C1GALT1: variants seen among roughly 807,000 people sequenced by gnomAD.
C1GALT1 encodes the protein core 1 synthase, glycoprotein-N-acetylgalactosamine 3-beta-galactosyltransferase 1.
A neutral mutation model predicts 31.0 loss-of-function variants in C1GALT1; 11 were observed. The observed-to-expected ratio is 0.36, with a 90% CI of 0.22 to 0.59. C1GALT1 has a LOEUF of 0.59. Ranked by LOEUF, C1GALT1 falls within the 20% of genes least tolerant of loss-of-function variation. C1GALT1 has a pLI of 0.79. For synonymous variants in C1GALT1, 175 were observed against 143.6 expected, an observed-to-expected ratio of 1.22 and a Z score of -1.56; for missense variants, 424 against 425.2, an observed-to-expected ratio of 1.00 and a Z score of 0.03.
At chr7:7,240,056 A>G (rs1302201326) in intron 3 of C1GALT1, among the ~76,000 whole-genome samples, 1 of 152,206 alleles carries the variant, frequency 6.6e-6, no homozygotes, top group Non-Finnish European at 1.5e-5. Context: ...ACGTATAAAT[A>G]ATACACTTCA....
At chr7:7,198,136 G>GT (rs1781378000) in intron 1 of C1GALT1, among the ~76,000 whole-genome samples, 1 of 152,182 alleles carries the variant, frequency 6.6e-6, no homozygotes, top group Non-Finnish European at 1.5e-5. Flanking sequence ...AATGCTTCCA[G>GT]TTTTTGCCCA....
chr7:7,229,247 A>C (rs111812546), intron 1 of C1GALT1, among the ~76,000 whole-genome samples: 2 of 152,274 alleles, frequency 1.3e-5, no homozygotes, highest in African/African-American at 4.8e-5. Flanking sequence ...TATGGTATTA[A>C]GGCAAAATCA....
chr7:7,210,348 T>G (rs903367581), intron 1 of C1GALT1: 1 of 152,296 alleles, frequency 6.6e-6, no homozygotes, highest in Non-Finnish European at 1.5e-5. Context: ...TTTATGGCTT[T>G]GTATTATAGA....
At chr7:7,164,739 G>C (rs895106442) in intron 2 of C1GALT1, among the ~76,000 whole-genome samples, 6 of 152,102 alleles carry the variant, frequency 3.9e-5, no homozygotes, top group Non-Finnish European at 1.5e-5. Context: ...TCAGTCATTG[G>C]ATGTGGGTGC....
rs181295236 is a variant in C1GALT1, at chr7:7,244,462, A to G, written c.*735A>G. On this transcript the variant is annotated 3_prime_UTR_variant, in exon 4 of 4. Transcript: ENST00000436587. ...CCACTCTTGAATACCATTCTCCACT[A>G]TTAACATTAATTTACTCAAACCGTT... The G allele has an allele frequency of 2.0e-5, 3 of 152,220 alleles. No individual in the cohort carries two copies. Among genetic ancestry groups the G allele is most frequent in the East Asian group, 3.9e-4 (2 of 5,184 alleles). 9.4% of individuals were successfully genotyped at this position (152,220 alleles called of 1,614,324 possible).
At position 7,163,248 on chromosome 7, in the gene C1GALT1, G is replaced by C. The variant is rs577279919; in HGVS notation, c.-18+5822G>C. ...TTCTTCTAGGGTTTTTATGGTTTTA[G>C]GTCTAACGTTTAAGTCTTTAATCCA... On this transcript the variant is annotated intron_variant, in intron 2 of 3. Coordinates refer to the C1GALT1 transcript ENST00000429911. Among the ~76,000 whole-genome samples, 27 of 152,182 alleles carry C rather than the reference G, an allele frequency of 1.8e-4. No individual in the cohort carries two copies. The South Asian group carries it at 4.8e-3, about 27-fold the overall frequency.
At chr7:7,202,929 G>T (rs1366605326) in intron 1 of C1GALT1, among the ~76,000 whole-genome samples, 1 of 152,000 alleles carries the variant, frequency 6.6e-6, no homozygotes, top group Non-Finnish European at 1.5e-5. Flanking sequence ...TTGTCGTACA[G>T]ATCTTTCACT....
At position 7,243,585 on chromosome 7, in the gene C1GALT1, A is replaced by G; in HGVS notation, c.950A>G (p.Tyr317Cys). ...CACTATGTTGATTCTACAACCATGT[A>G]TGAGTTAGAATACCTCGTTTATCAT... Reference protein sequence around the residue: ...SFHYVDSTTMYELEYLVYHLR... With the variant: ...SFHYVDSTTMCELEYLVYHLR... Residue 317 changes from tyrosine to cysteine, a missense_variant, in exon 4 of 4, where the codon TAT becomes TGT. Coordinates refer to ENST00000436587, the MANE Select transcript of C1GALT1 (RefSeq NM_020156.5). The G allele has an allele frequency of 1.9e-6, 3 of 1,612,772 alleles. No individual in the cohort carries two copies. The highest frequency in any genetic ancestry group is 1.7e-6 in the Non-Finnish European group (2 of 1,179,492).
chr7:7,186,990 A>G (rs1175881345), intron 1 of C1GALT1, among the ~76,000 whole-genome samples: 2 of 152,182 alleles, frequency 1.3e-5, no homozygotes, highest in East Asian at 3.9e-4. Context: ...TAAAAGGATC[A>G]TTGTGGCTAT....
At chr7:7,201,732 G>A (rs1309774193) in intron 1 of C1GALT1, among the ~76,000 whole-genome samples, 2 of 152,198 alleles carry the variant, frequency 1.3e-5, no homozygotes, top group Non-Finnish European at 2.9e-5. Context: ...TTGAGAAGCT[G>A]CCCCAGGCTA....
At chr7:7,231,089 G>GT (rs1783052443) in intron 1 of C1GALT1, among the ~76,000 whole-genome samples, 1 of 152,068 alleles carries the variant, frequency 6.6e-6, no homozygotes, top group East Asian at 1.9e-4. Flanking sequence ...TTCTGAACAT[G>GT]TTTTTAAGGC....
At chr7:7,170,960 C>G (rs1046090337) in intron 2 of C1GALT1, among the ~76,000 whole-genome samples, 1 of 152,112 alleles carries the variant, frequency 6.6e-6, no homozygotes, top group African/African-American at 2.4e-5. Context: ...CTTCATTCTA[C>G]TTGGTCAGAA....
chr7:7,215,811 G>A (rs76685447), intron 1 of C1GALT1, among the ~76,000 whole-genome samples: 5,639 of 152,014 alleles, frequency 0.037, 210 homozygotes, highest in African/African-American at 0.11. Flanking sequence ...ACATCCTCCC[G>A]TGTGAGGTTA....
At chr7:7,162,574 A>T (rs1360470004) in intron 2 of C1GALT1, among the ~76,000 whole-genome samples, 3 of 151,984 alleles carry the variant, frequency 2.0e-5, no homozygotes, top group Non-Finnish European at 2.9e-5. Flanking sequence ...CACAATAAAC[A>T]TACATGTGCA....
At chr7:7,172,728 C>T (rs926619026) in intron 2 of C1GALT1, among the ~76,000 whole-genome samples, 3 of 152,172 alleles carry the variant, frequency 2.0e-5, no homozygotes, top group African/African-American at 7.2e-5. Flanking sequence ...CTTACTCTCA[C>T]ACAAATACAG....
At chr7:7,157,845 C>A (rs938146765) in intron 2 of C1GALT1, among the ~76,000 whole-genome samples, 2 of 152,142 alleles carry the variant, frequency 1.3e-5, no homozygotes, top group Non-Finnish European at 2.9e-5. Flanking sequence ...TCAATGAGAT[C>A]TCTTTTCCTT....
intron 1 of C1GALT1, among the ~76,000 whole-genome samples, chr7:7,188,929 G>A (rs866939383): frequency 2.6e-5 from 4 of 152,112 alleles, no homozygotes; most frequent in Admixed American, 6.5e-5. Flanking sequence ...CCAACGATAC[G>A]AAAGCAGTTA....
At chr7:7,167,682 C>T (rs1780413090) in intron 2 of C1GALT1, among the ~76,000 whole-genome samples, 2 of 151,944 alleles carry the variant, frequency 1.3e-5, no homozygotes, top group Admixed American at 6.6e-5. Context: ...TTGGACATTC[C>T]AATTCACCAA....
At chr7:7,168,924 G>A (rs1346840953) in intron 2 of C1GALT1, among the ~76,000 whole-genome samples, 1 of 152,124 alleles carries the variant, frequency 6.6e-6, no homozygotes, top group Non-Finnish European at 1.5e-5. Flanking sequence ...CAGTTCAGTG[G>A]CATTAATTGC....
Sources: gnomAD v4.1 joint callset for allele counts (sites outside exome capture counted in the v4.1 genomes callset) on GRCh38, gnomAD v4.1.1 for gene constraint, MANE v1.5 for transcripts, NCBI Gene and HGNC (gene_info 2026-07-23, HGNC 2026-07-21) for gene names.